PNPLA7: variants seen among roughly 807,000 people sequenced by gnomAD.
The protein encoded by PNPLA7 is patatin-like phospholipase domain-containing protein 7.
Under a neutral mutation model 161.7 loss-of-function variants are expected in PNPLA7, and 153 were observed. The observed-to-expected ratio is 0.95, with a 90% CI of 0.83 to 1.08. The LOEUF (loss-of-function observed/expected upper bound fraction) is 1.08, where lower values mean the gene tolerates loss of function less well. Ranked by LOEUF, PNPLA7 falls within the 50% of genes least tolerant of loss-of-function variation. The pLI, the probability that PNPLA7 is intolerant of heterozygous loss-of-function variation, is 0.00. For missense variants in PNPLA7, 1,739 were observed against 1,856.6 expected, an observed-to-expected ratio of 0.94 and a Z score of 1.16; for synonymous variants, 809 against 782.1, an observed-to-expected ratio of 1.03 and a Z score of -0.57.
intron 8 of PNPLA7, among the ~76,000 whole-genome samples, chr9:137,526,370 C>T (rs1044943220): frequency 1.1e-4 from 16 of 152,154 alleles, no homozygotes; most frequent in Admixed American, 2.6e-4. Flanking sequence ...CTCCGCCTCC[C>T]GGGTTCACGC....
chr9:137,507,028 C>T (rs1365977748), intron 12 of PNPLA7, among the ~76,000 whole-genome samples: 1 of 152,258 alleles, frequency 6.6e-6, no homozygotes, highest in African/African-American at 2.4e-5. Flanking sequence ...CCCAGGAGCA[C>T]AGCCATGTGC....
intron 8 of PNPLA7, among the ~76,000 whole-genome samples, chr9:137,535,316 G>A (rs1189811790): frequency 6.6e-6 from 1 of 152,182 alleles, no homozygotes; most frequent in Non-Finnish European, 1.5e-5. Flanking sequence ...TGATCAGAAA[G>A]ACAGAAGCCA....
At chr9:137,496,107 T>A (rs2132253064) in intron 18 of PNPLA7, among the ~76,000 whole-genome samples, 1 of 145,626 alleles carries the variant, frequency 6.9e-6, no homozygotes, top group East Asian at 2.0e-4. Context: ...CCACACACTG[T>A]TTTTTTTTTT....
At chr9:137,515,963 C>T (rs1466869603) in intron 11 of PNPLA7, among the ~76,000 whole-genome samples, 2 of 6,012 alleles carry the variant, frequency 3.3e-4, no homozygotes, top group African/African-American at 1.9e-3. Flanking sequence ...AATCCCCCCT[C>T]CCCCAAATCC....
Position 137,550,226 on chromosome 9 carries a change from C to A in PNPLA7, c.-29G>T. The A allele has an allele frequency of 6.2e-7, 1 of 1,612,978 alleles. No homozygotes were observed. The highest frequency in any genetic ancestry group is 8.5e-7 in the Non-Finnish European group (1 of 1,179,862). On this transcript the variant is annotated 5_prime_UTR_variant, in exon 1 of 35. Transcript: ENST00000406427. ...CAGAAACAGAAAAAACAGTCAGGGGCGAAAAGCAGACAGCCTGAAGCAAAC... is the reference window on the plus strand; with the variant it reads ...CAGAAACAGAAAAAACAGTCAGGGGAGAAAAGCAGACAGCCTGAAGCAAAC...
At chr9:137,526,070 T>C (rs1408238038) in intron 8 of PNPLA7, among the ~76,000 whole-genome samples, 1 of 150,846 alleles carries the variant, frequency 6.6e-6, no homozygotes, top group Admixed American at 6.6e-5. Flanking sequence ...AATATTCATA[T>C]ATCATCATAT....
intron 25 of PNPLA7, among the ~76,000 whole-genome samples, chr9:137,477,801 C>T (rs1037435864): frequency 6.6e-6 from 1 of 152,188 alleles, no homozygotes; most frequent in African/African-American, 2.4e-5. Flanking sequence ...CTAAACTGGC[C>T]CTAATAAAAC....
At chr9:137,474,856 C>CA (rs750987273) in intron 25 of PNPLA7, among the ~76,000 whole-genome samples, 1,804 of 107,274 alleles carry the variant, frequency 0.017, 34 homozygotes, top group African/African-American at 0.052. Flanking sequence ...ACTAAAAATA[C>CA]AAAAAAAAAA....
chr9:137,539,651 A>C (rs1836082924), intron 8 of PNPLA7, among the ~76,000 whole-genome samples: 1 of 152,206 alleles, frequency 6.6e-6, no homozygotes, highest in Non-Finnish European at 1.5e-5. Context: ...ACAGAGCAAG[A>C]CCCAGCCTAA....
chr9:137,501,256 G>A (rs1048232303), intron 15 of PNPLA7, among the ~76,000 whole-genome samples: 11 of 152,294 alleles, frequency 7.2e-5, no homozygotes, highest in African/African-American at 2.6e-4. Flanking sequence ...CCTCTGAGGG[G>A]TGGGCTCCTG....
rs55728437 is a variant in PNPLA7 at position 137,460,192 on chromosome 9, T to G, written c.*201A>C. The G allele has an allele frequency of 1.5e-5, 8 of 539,044 alleles. No individual in the cohort carries two copies. Among genetic ancestry groups the G allele is most frequent in the Admixed American group, 9.4e-5 (3 of 31,958 alleles). The allele number at this position is 539,044 out of a possible 1,614,324, so 33.4% of individuals were successfully genotyped here. On this transcript the variant is annotated 3_prime_UTR_variant, in exon 35 of 35. Transcript: ENST00000406427. ...CAGAGCTTCAGGGGCCTCACAGGAC[T>G]GCAGGGGGGCTCACAGGGCCCTGTA...
intron 1 of PNPLA7, among the ~76,000 whole-genome samples, chr9:137,548,249 A>AACGAGAAG (rs897050172): frequency 5.3e-5 from 8 of 152,078 alleles, no homozygotes; most frequent in Non-Finnish European, 1.0e-4. Context: ...TGAAAGAGAA[A>AACGAGAAG]ACGAGAAGAC....
chr9:137,475,623 C>G (rs1328970092), intron 25 of PNPLA7, among the ~76,000 whole-genome samples: 2 of 151,958 alleles, frequency 1.3e-5, no homozygotes, highest in African/African-American at 4.8e-5. Context: ...ATCTGCCCAC[C>G]TTGGCCTCCC....
Position 137,462,178 on chromosome 9 carries a change from C to G in PNPLA7, c.3645+1G>C. Reference sequence around the variant, plus strand: ...CGCCGCCGCGGGTGGCCGGCACTCACGCAGATCTCGTTGAACTTGCCGAAG... The same window carrying G: ...CGCCGCCGCGGGTGGCCGGCACTCAGGCAGATCTCGTTGAACTTGCCGAAG... On this transcript the variant is annotated splice_donor_variant, in intron 31 of 34. Transcript: ENST00000406427. LOFTEE classifies it high-confidence loss of function. The G allele has an allele frequency of 1.3e-6, 2 of 1,562,540 alleles. No individual in the cohort carries two copies. Among genetic ancestry groups the G allele is most frequent in the Non-Finnish European group, 1.7e-6 (2 of 1,150,546 alleles).
At position 137,460,360 on chromosome 9, in the gene PNPLA7, A is replaced by G. The variant is rs1268405759; in HGVS notation, c.*33T>C. 16 of 1,588,386 alleles carry G rather than the reference A, an allele frequency of 1.0e-5. No individual in the cohort carries two copies. The highest frequency in any genetic ancestry group is 1.4e-5 in the Non-Finnish European group (16 of 1,161,116). On this transcript the variant is annotated 3_prime_UTR_variant, in exon 35 of 35. Coordinates refer to ENST00000406427, the MANE Select transcript of PNPLA7 (RefSeq NM_001098537.3). Reference sequence around the variant, plus strand: ...TCAGCCTTGGGGACAGTCCCACGGAAGACGCTGCATCCGGGCTCTTTAGCA... The same window carrying G: ...TCAGCCTTGGGGACAGTCCCACGGAGGACGCTGCATCCGGGCTCTTTAGCA...
rs1365513399 is a variant in PNPLA7, at chr9:137,540,575, G to A, written c.747+67C>T. 1.4e-6 allele frequency: 2 copies of A among 1,388,486 alleles called. No homozygotes were observed. Among genetic ancestry groups the A allele is most frequent in the East Asian group, 2.5e-5 (1 of 40,722 alleles). 86.0% of individuals were successfully genotyped at this position (1,388,486 alleles called of 1,614,324 possible). ...TAACCACTACCAGCTGTCCAGACAA[G>A]ACAGAAAAACCAGGCCTCCGGGGCC... On this transcript the variant is annotated intron_variant, in intron 8 of 34. Transcript: ENST00000406427. The surrounding 1 kb of genome is among the most constrained non-coding windows in gnomAD (Gnocchi z 5.1).
At chr9:137,504,169 G>A (rs1833783554) in intron 14 of PNPLA7, among the ~76,000 whole-genome samples, 1 of 150,090 alleles carries the variant, frequency 6.7e-6, no homozygotes. Context: ...GAAGAAGACG[G>A]AAGAAGAAGG....
At chr9:137,533,719 AAC>A (rs1190148876) in intron 8 of PNPLA7, among the ~76,000 whole-genome samples, 10 of 148,760 alleles carry the variant, frequency 6.7e-5, no homozygotes, top group African/African-American at 2.5e-4. Flanking sequence ...ACTCCTCCCC[AAC>A]AGTGTCCACT....
intron 10 of PNPLA7, among the ~76,000 whole-genome samples, chr9:137,521,206 G>A (rs546018385): frequency 6.6e-6 from 1 of 152,318 alleles, no homozygotes; most frequent in Non-Finnish European, 1.5e-5. Context: ...GCCAGAAAGG[G>A]AAGGAGCGTG....
Sources: gnomAD v4.1 joint callset for allele counts (sites outside exome capture counted in the v4.1 genomes callset) on GRCh38, gnomAD v4.1.1 for gene constraint, Gnocchi (gnomAD v3.1) non-coding constraint, MANE v1.5 for transcripts, NCBI Gene and HGNC (gene_info 2026-07-23, HGNC 2026-07-21) for gene names.